PDCD4: variants seen among roughly 807,000 people sequenced by gnomAD.
The protein encoded by PDCD4 is programmed cell death 4.
In PDCD4, 56 loss-of-function variants were observed where a neutral mutation model predicts 54.0. The observed-to-expected ratio is 1.04, with a 90% CI of 0.84 to 1.30. The LOEUF is 1.30. Ranked by LOEUF, PDCD4 falls within the 50% of genes most tolerant of loss-of-function variation. PDCD4 has a pLI of 0.00. For synonymous variants in PDCD4, 186 were observed against 194.8 expected, an observed-to-expected ratio of 0.95 and a Z score of 0.37; for missense variants, 584 against 559.8, an observed-to-expected ratio of 1.04 and a Z score of -0.44.
In PDCD4 at chr10:110,895,954, G is replaced by T. The variant is rs771508745; in HGVS notation, c.1216G>T (p.Glu406Ter). 6.3e-7 allele frequency: 1 copy of T among 1,597,884 alleles called. No homozygotes were observed. Among genetic ancestry groups the T allele is most frequent in the Admixed American group, 1.7e-5 (1 of 57,268 alleles). The change falls in exon 11 of 12, where the codon GAG becomes TAG. Residue 406 changes from glutamate (E) to a stop codon, truncating the protein, a stop_gained. Coordinates refer to ENST00000280154, the MANE Select transcript of PDCD4 (RefSeq NM_014456.5). LOFTEE classifies it high-confidence loss of function. Reference sequence around the variant, plus strand: ...TGTAATTTCATTGTTGTAGGGTTATGAGAGAATTTACAATGAAATTCCGGA... The same window carrying T: ...TGTAATTTCATTGTTGTAGGGTTATTAGAGAATTTACAATGAAATTCCGGA... ...ITVDQMKRGY[E>*]RIYNEIPDIN...
chr10:110,876,182 T>C (rs554128494), intron 2 of PDCD4, 112 bp downstream of exon 2: 2 of 766,878 alleles, frequency 2.6e-6, no homozygotes, highest in East Asian at 3.1e-5. Flanking sequence ...GTTTTGACTT[T>C]CCTGGGCTTA....
intron 7 of PDCD4, among the ~76,000 whole-genome samples, chr10:110,889,881 A>C (rs939652748): frequency 6.6e-6 from 1 of 152,170 alleles, no homozygotes; most frequent in Non-Finnish European, 1.5e-5. Context: ...TTTGGGCCTC[A>C]GTTTCTTTAT....
At chr10:110,873,228 T>C (rs1845449355) in intron 1 of PDCD4, among the ~76,000 whole-genome samples, 1 of 152,210 alleles carries the variant, frequency 6.6e-6, no homozygotes, top group East Asian at 1.9e-4. Flanking sequence ...GGAAAAAATA[T>C]TAGGACTGCA....
chr10:110,875,897 G>T, intron 1 of PDCD4, 69 bp from the exon 2 acceptor site: 1 of 618,526 alleles, frequency 1.6e-6, no homozygotes, highest in African/African-American at 2.0e-5. Flanking sequence ...GCTTAAGTAA[G>T]TTTAATTCAG....
In PDCD4 at chr10:110,894,147, T is replaced by G. The variant is rs149843890; in HGVS notation, c.1047T>G (p.His349Gln). The change falls in exon 9 of 12, where the codon CAT becomes CAG. Residue 349 changes from histidine to glutamine, a missense_variant. By Grantham distance (24) the His-to-Gln change is conservative. Coordinates refer to ENST00000280154, the MANE Select transcript of PDCD4 (RefSeq NM_014456.5). ...LLSGDISEAEHCLKELEVPHF... is the reference protein window; with the variant it reads ...LLSGDISEAEQCLKELEVPHF... ...CTGGAGACATATCTGAAGCTGAACA[T>G]TGCCTTAAGGAACTGGAAGTACCTC... 1.1e-5 allele frequency: 17 copies of G among 1,609,862 alleles called. No individual in the cohort carries two copies. Among genetic ancestry groups the G allele is most frequent in the Non-Finnish European group, 1.4e-5 (16 of 1,176,306 alleles).
At chr10:110,887,610 GAACT>G in intron 5 of PDCD4, 51 bp from the exon 6 acceptor site, 1 of 1,251,418 alleles carries the variant, frequency 8.0e-7, no homozygotes, top group South Asian at 1.3e-5. Flanking sequence ...AAATTTTATT[GAACT>G]ATAGGTAGTG....
Position 110,885,300 on chromosome 10 carries a change from A to G in PDCD4, c.489A>G (p.Ala163=). ...ETVVLPLDER[A]FEKTLTPIIQ... The stretch of plus-strand genomic sequence containing the variant: ...TAGTTTTGCCTTTGGATGAAAGGGC[A>G]TTTGAGAAGACTTTAACACCAATCA... The change falls in exon 5 of 12, where the codon GCA becomes GCG. Residue 163 remains alanine (A), a synonymous_variant. Transcript: ENST00000280154. The G allele has an allele frequency of 1.2e-6, 2 of 1,600,944 alleles. No homozygotes were observed. The highest frequency in any genetic ancestry group is 1.7e-6 in the Non-Finnish European group (2 of 1,170,028).
intron 1 of PDCD4, chr10:110,872,312 TGA>T (rs1845423268): frequency 6.6e-6 from 1 of 152,250 alleles, no homozygotes; most frequent in Non-Finnish European, 1.5e-5. Flanking sequence ...ATCTCCCCAC[TGA>T]GAGGGGCGCG....
intron 2 of PDCD4, among the ~76,000 whole-genome samples, chr10:110,879,945 T>C (rs1337761346): frequency 1.3e-5 from 2 of 152,244 alleles, no homozygotes; most frequent in Non-Finnish European, 2.9e-5. Context: ...TTAAAACATA[T>C]TAAAGCCCAT....
chr10:110,888,459 G>C lies in PDCD4; in HGVS notation c.777+573G>C, dbSNP rs1845704040. Reference sequence around the variant, plus strand: ...GATATTAAGTGGTGATTCTAATGCAGACATTTTTTCCTTTTATACCAATAC... The same window carrying C: ...GATATTAAGTGGTGATTCTAATGCACACATTTTTTCCTTTTATACCAATAC... On this transcript the variant is annotated intron_variant, in intron 6 of 11. Coordinates refer to ENST00000280154, the MANE Select transcript of PDCD4 (RefSeq NM_014456.5). Among the ~76,000 whole-genome samples the C allele has an allele frequency of 1.3e-5, 2 of 152,042 alleles. 1 individual carries two copies.
At chr10:110,874,609 A>T (rs993892483) in intron 1 of PDCD4, among the ~76,000 whole-genome samples, 15 of 152,160 alleles carry the variant, frequency 9.9e-5, no homozygotes, top group Middle Eastern at 3.2e-3. Context: ...TCTTAACAGA[A>T]TTAGAGAATG....
chr10:110,893,052 G>A (rs12267661), intron 8 of PDCD4, among the ~76,000 whole-genome samples: 10,174 of 152,026 alleles, frequency 0.067, 713 homozygotes, highest in East Asian at 0.3. Context: ...TATAGCACTG[G>A]TGTGTAGTAG....
intron 5 of PDCD4, among the ~76,000 whole-genome samples, chr10:110,886,615 C>T (rs1235969671): frequency 6.6e-6 from 1 of 152,138 alleles, no homozygotes; most frequent in Admixed American, 6.5e-5. Context: ...TAGAACTTAG[C>T]TTCTAGAGTC....
At chr10:110,894,245 T>G (rs1194736814) in intron 9 of PDCD4, 47 bp downstream of exon 9, 1 of 1,113,864 alleles carries the variant, frequency 9.0e-7, no homozygotes, top group Middle Eastern at 2.0e-4. Context: ...GTGTTCCTTT[T>G]TGTACTGTAG....
At chr10:110,885,541 T>C (rs1451362064) in intron 5 of PDCD4, among the ~76,000 whole-genome samples, 175 bp downstream of exon 5, 1 of 151,990 alleles carries the variant, frequency 6.6e-6, no homozygotes, top group Non-Finnish European at 1.5e-5. Flanking sequence ...AGTTATATAT[T>C]TGGGATGTGA....
At position 110,894,415 on chromosome 10, in the gene PDCD4, A is replaced by G. The variant is rs1269363476; in HGVS notation, c.1102A>G (p.Ile368Val). 2.0e-6 allele frequency: 3 copies of G among 1,486,824 alleles called. No individual in the cohort carries two copies. Among genetic ancestry groups the G allele is most frequent in the East Asian group, 2.3e-5 (1 of 44,148 alleles). 92.1% of individuals were successfully genotyped at this position (1,486,824 alleles called of 1,614,324 possible). A position where few individuals can be genotyped will look rare whatever the true frequency, so the allele number is the denominator to read the frequency against. Residue 368 changes from isoleucine to valine, a missense_variant, in exon 10 of 12, where the codon ATT becomes GTT. Transcript: ENST00000280154. ...HFHHELVYEA[I>V]IMVLESTGES... ...CACTCATTGATTCAATTTTTAGGCT[A>G]TTATAATGGTTTTAGAGTCAACTGG...
At chr10:110,884,194 C>T (rs1845635233) in intron 4 of PDCD4, among the ~76,000 whole-genome samples, 1 of 152,196 alleles carries the variant, frequency 6.6e-6, no homozygotes, top group African/African-American at 2.4e-5. Context: ...TGAGCCATTC[C>T]GTTGTCCAGC....
intron 2 of PDCD4, among the ~76,000 whole-genome samples, chr10:110,877,728 A>G (rs1590727164): frequency 6.6e-6 from 1 of 152,194 alleles, no homozygotes; most frequent in Non-Finnish European, 1.5e-5. Context: ...TAGGCCTAAG[A>G]TAGACCCTCT....
rs78819125 is a variant in PDCD4, at chr10:110,878,205, C to T, written c.43+2135C>T. Among the ~76,000 whole-genome samples the T allele has an allele frequency of 8.8e-3, 1,339 of 151,938 alleles. 15 individuals carry two copies. The highest frequency in any genetic ancestry group is 0.07 in the South Asian group (334 of 4,796). ...CCAACAGTTAGGTGAGTATGAGTAA[C>T]AAAATATAAAGCAATTAATACAAAC... On this transcript the variant is annotated intron_variant, in intron 2 of 11. Transcript: ENST00000280154.
Sources: gnomAD v4.1 joint callset for allele counts (sites outside exome capture counted in the v4.1 genomes callset) on GRCh38, gnomAD v4.1.1 for gene constraint, MANE v1.5 for transcripts, NCBI Gene and HGNC (gene_info 2026-07-23, HGNC 2026-07-21) for gene names.